Variants in CHRM3 observed in about 807,000 individuals in gnomAD.
The protein encoded by CHRM3 is cholinergic receptor muscarinic 3.
Under a neutral mutation model 41.8 loss-of-function variants are expected in CHRM3, and 11 were observed. The observed-to-expected ratio is 0.26, with a 90% CI of 0.17 to 0.44. The LOEUF (loss-of-function observed/expected upper bound fraction) is 0.44. Ranked by LOEUF, CHRM3 falls within the 20% of genes least tolerant of loss-of-function variation. CHRM3 has a pLI of 1.00. For synonymous variants in CHRM3, 297 were observed against 301.4 expected (o/e 0.99, Z 0.15); for missense variants, 571 against 745.4 (o/e 0.77, Z 2.72).
intron 1 of CHRM3, among the ~76,000 whole-genome samples, chr1:239,428,571 T>G (rs779168128): frequency 1.3e-5 from 2 of 152,202 alleles, no homozygotes; most frequent in Non-Finnish European, 2.9e-5. Context: ...TAAAACGGAA[T>G]TTTTAAAAGA....
intron 5 of CHRM3, among the ~76,000 whole-genome samples, chr1:239,764,163 T>G (rs1346440058): frequency 6.6e-6 from 1 of 152,162 alleles, no homozygotes; most frequent in East Asian, 1.9e-4. Flanking sequence ...TTTTACCCCA[T>G]TGTGCCAGAG....
intron 5 of CHRM3, among the ~76,000 whole-genome samples, chr1:239,771,817 C>A (rs1187207719): frequency 6.6e-6 from 1 of 152,164 alleles, no homozygotes; most frequent in East Asian, 1.9e-4. Context: ...TTTCAAAGCC[C>A]TGTTTTAGAT....
chr1:239,809,859 G>A (rs1490036664), intron 5 of CHRM3, among the ~76,000 whole-genome samples: 1 of 152,096 alleles, frequency 6.6e-6, no homozygotes, highest in Admixed American at 6.6e-5. Flanking sequence ...CCACTGAGAT[G>A]TTTGGGCCTT....
intron 1 of CHRM3, among the ~76,000 whole-genome samples, chr1:239,456,827 T>G (rs1385531416): frequency 1.3e-5 from 2 of 152,170 alleles, no homozygotes; most frequent in Non-Finnish European, 2.9e-5. Flanking sequence ...CCCCAGAGCA[T>G]GTTCTAGTGA....
At chr1:239,461,312 C>G (rs1256727509) in intron 1 of CHRM3, among the ~76,000 whole-genome samples, 1 of 152,048 alleles carries the variant, frequency 6.6e-6, no homozygotes, top group Non-Finnish European at 1.5e-5. Flanking sequence ...ATATATGAAT[C>G]CTTCTGAGAG....
chr1:239,552,604 G>C (rs1659973330), intron 3 of CHRM3, among the ~76,000 whole-genome samples: 1 of 145,540 alleles, frequency 6.9e-6, no homozygotes, highest in Non-Finnish European at 1.5e-5. Context: ...TGGGACTACA[G>C]GCTCATGCTC....
chr1:239,667,655 C>T (rs570581218), intron 4 of CHRM3, among the ~76,000 whole-genome samples: 181 of 152,298 alleles, frequency 1.2e-3, no homozygotes, highest in African/African-American at 3.0e-3. Context: ...TCCCTTGTCA[C>T]GTGCTACCTC....
chr1:239,681,857 C>G (rs1228688001), intron 5 of CHRM3, among the ~76,000 whole-genome samples: 1 of 152,090 alleles, frequency 6.6e-6, no homozygotes, highest in African/African-American at 2.4e-5. Context: ...TATGATCATG[C>G]CACTGCACTC....
intron 5 of CHRM3, among the ~76,000 whole-genome samples, chr1:239,805,090 G>T (rs188572041): frequency 1.2e-4 from 18 of 152,246 alleles, no homozygotes; most frequent in African/African-American, 3.9e-4. Flanking sequence ...TAGTTACCCT[G>T]TGTTGAAGAT....
At chr1:239,453,834 A>C (rs1192573711) in intron 1 of CHRM3, among the ~76,000 whole-genome samples, 1 of 152,108 alleles carries the variant, frequency 6.6e-6, no homozygotes, top group East Asian at 1.9e-4. Context: ...GAGGGGAGTG[A>C]GAGTAGGTGG....
chr1:239,550,168 G>A lies in CHRM3; in HGVS notation c.-313+4419G>A, dbSNP rs954281372. Among the ~76,000 whole-genome samples the A allele has an allele frequency of 3.9e-5, 6 of 152,100 alleles. No homozygotes were observed. The East Asian group carries it at 7.8e-4, about 20-fold the overall frequency. On this transcript the variant is annotated intron_variant, in intron 3 of 6. Transcript: ENST00000676153. ...TTACCTGCGTGCCATGATCCCAGGA[G>A]CTTCCTTGTGCTTAGATGTACTGTC...
intron 3 of CHRM3, among the ~76,000 whole-genome samples, chr1:239,589,274 C>A (rs560538820): frequency 3.8e-4 from 58 of 151,994 alleles, no homozygotes; most frequent in African/African-American, 1.2e-3. Flanking sequence ...AGTATTAATT[C>A]TCGTGAATAG....
At chr1:239,688,206 A>T (rs1046172182) in intron 5 of CHRM3, among the ~76,000 whole-genome samples, 1 of 149,222 alleles carries the variant, frequency 6.7e-6, no homozygotes, top group East Asian at 1.9e-4. Flanking sequence ...CACATGTATT[A>T]TATATAAAAC....
intron 3 of CHRM3, among the ~76,000 whole-genome samples, chr1:239,567,678 G>C (rs146453585): frequency 2.0e-5 from 3 of 152,298 alleles, no homozygotes; most frequent in Middle Eastern, 3.4e-3. Flanking sequence ...GTGAAGGTGA[G>C]TGTGTGGCTT....
chr1:239,587,745 T>C (rs1355125416), intron 3 of CHRM3, among the ~76,000 whole-genome samples: 4 of 152,202 alleles, frequency 2.6e-5, no homozygotes. Flanking sequence ...TCAGGAATTA[T>C]AGTCACCATT....
chr1:239,403,937 G>A (rs1177369445), intron 1 of CHRM3, among the ~76,000 whole-genome samples: 1 of 140,582 alleles, frequency 7.1e-6, no homozygotes, highest in Non-Finnish European at 1.5e-5. Context: ...GAAGGAAGGA[G>A]GGGGAGAGAG....
intron 1 of CHRM3, among the ~76,000 whole-genome samples, chr1:239,407,159 C>T (rs1660656962): frequency 6.6e-6 from 1 of 151,910 alleles, no homozygotes; most frequent in South Asian, 2.1e-4. Flanking sequence ...GATCTTTTTC[C>T]AGAAGTCTAT....
At chr1:239,797,870 A>C (rs749138819) in intron 5 of CHRM3, among the ~76,000 whole-genome samples, 4 of 152,098 alleles carry the variant, frequency 2.6e-5, no homozygotes, top group African/African-American at 4.8e-5. Context: ...CAACATAGTG[A>C]GGCCCTGTCT....
At chr1:239,627,932 A>T (rs1337635816) in intron 3 of CHRM3, among the ~76,000 whole-genome samples, 4 of 147,486 alleles carry the variant, frequency 2.7e-5, no homozygotes, top group Admixed American at 6.8e-5. Context: ...GGCTGCCCTT[A>T]ACATTTTTTC....
Sources: allele counts gnomAD v4.1 joint callset (sites outside exome capture counted in the v4.1 genomes callset), GRCh38; gene constraint gnomAD v4.1.1; transcripts MANE v1.5; gene names NCBI Gene and HGNC (gene_info 2026-07-23, HGNC 2026-07-21).